ZMYM2: variants seen among roughly 807,000 people sequenced by gnomAD.
ZMYM2 encodes the protein zinc finger MYM-type containing 2, also known as zinc finger MYM-type protein 2.
ZMYM2 carries 56 observed loss-of-function variants against 162.8 expected under a neutral mutation model. The ratio of observed to expected loss-of-function variants is 0.34; its 90% CI spans 0.28 to 0.43. The LOEUF is 0.43. ZMYM2 is among the 20% of genes least tolerant of loss of function. The pLI is 1.00. For missense variants in ZMYM2, 1,275 were observed against 1,621.8 expected (o/e 0.79, Z 3.67); for synonymous variants, 510 against 541.6 (o/e 0.94, Z 0.81).
At chr13:19,917,243 T>C in the ZMYM2 span, among the ~76,000 whole-genome samples, 4 of 151,876 alleles carry the variant, frequency 2.6e-5, no homozygotes, top group African/African-American at 4.8e-5. Flanking sequence ...ATTACAGGCA[T>C]GAGCCACCAC....
intron 9 of ZMYM2, among the ~76,000 whole-genome samples, chr13:20,029,231 T>C (rs1374648957): frequency 1.3e-5 from 2 of 152,244 alleles, no homozygotes; most frequent in Non-Finnish European, 2.9e-5. Context: ...CTTCTTGCTG[T>C]GTCCTCACAT....
At chr13:20,020,403 T>C (rs573401537) in intron 7 of ZMYM2, among the ~76,000 whole-genome samples, 1 of 152,102 alleles carries the variant, frequency 6.6e-6, no homozygotes, top group African/African-American at 2.4e-5. Flanking sequence ...CCCGGCTAAT[T>C]TTGTATTTTT....
chr13:19,891,031 T>C, the ZMYM2 span, among the ~76,000 whole-genome samples: 1 of 151,854 alleles, frequency 6.6e-6, no homozygotes, highest in South Asian at 2.1e-4. Context: ...GAAAACATGA[T>C]GTAAGGTGTG....
At chr13:19,920,111 C>T in the ZMYM2 span, among the ~76,000 whole-genome samples, 2 of 152,024 alleles carry the variant, frequency 1.3e-5, no homozygotes, top group African/African-American at 2.4e-5. Context: ...AGCTGGCCAA[C>T]GTATATTTTT....
At chr13:20,072,381 T>C (rs259781) in intron 21 of ZMYM2, among the ~76,000 whole-genome samples, 148,730 of 152,264 alleles carry the variant, frequency 0.98, 72,733 homozygotes, top group Middle Eastern at 1. Context: ...ATTAGCTGGG[T>C]GTAGTGGCGA....
chr13:19,954,425 T>A (rs1344445647), upstream of ZMYM2, among the ~76,000 whole-genome samples: 2 of 151,874 alleles, frequency 1.3e-5, no homozygotes, highest in Non-Finnish European at 2.9e-5. Context: ...CTGTTTAAAA[T>A]TTTTTAAGAT....
intron 2 of ZMYM2, among the ~76,000 whole-genome samples, chr13:19,989,877 A>AT (rs1268319152): frequency 6.6e-6 from 1 of 151,898 alleles, no homozygotes; most frequent in Non-Finnish European, 1.5e-5. Flanking sequence ...TACCTTGTAG[A>AT]TTTTTTTTCA....
chr13:20,031,159 T>C (rs1953092711), intron 9 of ZMYM2, among the ~76,000 whole-genome samples, 160 bp from the exon 10 acceptor site: 2 of 152,228 alleles, frequency 1.3e-5, no homozygotes, highest in African/African-American at 2.4e-5. Flanking sequence ...ACATATACTA[T>C]AATTTTTAAG....
intron 15 of ZMYM2, 132 bp from the exon 16 acceptor site, chr13:20,059,314 TA>T (rs1319202755): frequency 2.3e-6 from 2 of 870,594 alleles, no homozygotes; most frequent in Non-Finnish European, 3.2e-6. Flanking sequence ...TTACCTAACT[TA>T]AAAAAACTGG....
the ZMYM2 span, among the ~76,000 whole-genome samples, chr13:19,889,585 G>T: frequency 2.0e-5 from 3 of 151,890 alleles, no homozygotes; most frequent in African/African-American, 7.3e-5. Context: ...CTCCCAAAGT[G>T]AGCCACTGTG....
intron 2 of ZMYM2, among the ~76,000 whole-genome samples, chr13:19,988,652 G>A (rs963679121): frequency 1.3e-5 from 2 of 152,120 alleles, no homozygotes; most frequent in Non-Finnish European, 2.9e-5. Flanking sequence ...GCGTGGTGGC[G>A]CATGCCTATG....
At chr13:19,948,578 A>G in the ZMYM2 span, among the ~76,000 whole-genome samples, 5 of 152,232 alleles carry the variant, frequency 3.3e-5, no homozygotes, top group South Asian at 8.3e-4. Context: ...CAGCAGAAAG[A>G]TCAATGGTTA....
chr13:20,018,997 T>C (rs190669555), intron 6 of ZMYM2, among the ~76,000 whole-genome samples: 49 of 151,304 alleles, frequency 3.2e-4, no homozygotes, highest in African/African-American at 1.1e-3. Flanking sequence ...GGAGAATCGC[T>C]TGAACCCAGG....
intron 21 of ZMYM2, among the ~76,000 whole-genome samples, chr13:20,081,457 T>G (rs1015193905): frequency 1.3e-5 from 2 of 152,176 alleles, no homozygotes; most frequent in Non-Finnish European, 2.9e-5. Flanking sequence ...GTTACAAGAT[T>G]CATAAATTTG....
chr13:19,927,727 C>T, the ZMYM2 span, among the ~76,000 whole-genome samples: 2 of 152,076 alleles, frequency 1.3e-5, no homozygotes, highest in African/African-American at 2.4e-5. Context: ...AAATAATTTC[C>T]GATGTGGTTG....
chr13:20,022,652 A>G (rs922876656), intron 7 of ZMYM2, among the ~76,000 whole-genome samples: 3 of 152,230 alleles, frequency 2.0e-5, no homozygotes, highest in African/African-American at 7.2e-5. Flanking sequence ...TGGTATATAC[A>G]TTTTTAAACC....
chr13:19,918,210 C>T, the ZMYM2 span, among the ~76,000 whole-genome samples: 2 of 151,972 alleles, frequency 1.3e-5, no homozygotes, highest in African/African-American at 2.4e-5. Flanking sequence ...TTTGGGAGGC[C>T]AAGGTGGGTG....
At chr13:20,006,233 A>T (rs1407786209) in intron 5 of ZMYM2, 141 bp from the exon 6 acceptor site, 170 of 686,356 alleles carry the variant, frequency 2.5e-4, no homozygotes, top group Non-Finnish European at 2.3e-4. Flanking sequence ...CCCTGTCTTT[A>T]AAAAAAAAAA....
In ZMYM2 at chr13:20,043,835, C is replaced by G. The variant is rs1954510359; in HGVS notation, c.2292+6926C>G. On this transcript the variant is annotated intron_variant, in intron 12 of 24. Transcript: ENST00000610343. Reference sequence around the variant, plus strand: ...GGGATGTGGGAAGTATCCATGGGCCCCAGGGGAAGCTGCAGTGTGGGGAGG... The same window carrying G: ...GGGATGTGGGAAGTATCCATGGGCCGCAGGGGAAGCTGCAGTGTGGGGAGG... 2.6e-5 allele frequency among the ~76,000 whole-genome samples: 4 copies of G among 152,110 alleles called. No individual in the cohort carries two copies. In the South Asian group the frequency reaches 8.3e-4, roughly 32 times the overall value.
Sources: allele counts gnomAD v4.1 joint callset (sites outside exome capture counted in the v4.1 genomes callset), GRCh38; gene constraint gnomAD v4.1.1; transcripts MANE v1.5; gene names NCBI Gene and HGNC (gene_info 2026-07-23, HGNC 2026-07-21).